Variants in DENND5B observed in about 807,000 individuals in gnomAD.
DENND5B encodes DENN domain-containing protein 5B.
DENND5B carries 34 observed loss-of-function variants against 140.6 expected under a neutral mutation model. That is an observed-to-expected ratio of 0.24 (90% confidence interval 0.18 to 0.32). The LOEUF (loss-of-function observed/expected upper bound fraction) is 0.32, where lower values mean the gene tolerates loss of function less well. Among genes scored for constraint, DENND5B ranks in the 10% least tolerant of loss-of-function variants. The pLI, the probability that DENND5B is intolerant of heterozygous loss-of-function variation, is 1.00. For missense variants in DENND5B, 1,142 were observed against 1,560.2 expected (o/e 0.73, Z 4.52); for synonymous variants, 551 against 562.1 (o/e 0.98, Z 0.28).
intron 17 of DENND5B, 71 bp downstream of exon 17, chr12:31,398,104 C>T (rs1941583452): frequency 5.7e-6 from 8 of 1,401,112 alleles, no homozygotes; most frequent in South Asian, 1.4e-5. Context: ...ATTAACACAA[C>T]TGTTTTCTAT....
chr12:31,388,708 G>A (rs1289795036), intron 20 of DENND5B, among the ~76,000 whole-genome samples: 1 of 152,160 alleles, frequency 6.6e-6, no homozygotes, highest in Non-Finnish European at 1.5e-5. Flanking sequence ...AAAAGTAATG[G>A]ATTGTATCGC....
In DENND5B at chr12:31,442,813, T is replaced by C; in HGVS notation, c.1974A>G (p.Leu658=). ...GKYEQGFFPK[L]QSDVLATGPT... ...GTCCTGTTGCCAAGACATCGGACTG[T>C]AACTTTGGAAAGAACCCCTGCTCAT... The change falls in exon 7 of 21, where the codon TTA becomes TTG. Residue 658 remains leucine, a synonymous_variant. Coordinates refer to ENST00000389082, the MANE Select transcript of DENND5B (RefSeq NM_144973.4). 3 of 1,613,840 alleles carry C rather than the reference T, an allele frequency of 1.9e-6. No individual in the cohort carries two copies. Among genetic ancestry groups the C allele is most frequent in the Non-Finnish European group, 2.5e-6 (3 of 1,179,838 alleles).
At chr12:31,527,068 C>T (rs1370695630) in intron 1 of DENND5B, among the ~76,000 whole-genome samples, 1 of 152,016 alleles carries the variant, frequency 6.6e-6, no homozygotes, top group Non-Finnish European at 1.5e-5. Context: ...AAACAATAAA[C>T]ATAATAAATA....
In DENND5B at chr12:31,391,507, CTGAGTA is replaced by C. The variant is rs1475887561; in HGVS notation, c.3466+754_3466+759del. On this transcript the variant is annotated intron_variant, in intron 19 of 20. Coordinates refer to ENST00000389082, the MANE Select transcript of DENND5B (RefSeq NM_144973.4). ...TGTATTGTTTGTTTCCCACACCGAC[CTGAGTA>C]TAAGTTTGTCAACCATAGGATTTCT... 4.6e-5 allele frequency among the ~76,000 whole-genome samples: 7 copies of C among 152,290 alleles called. No individual in the cohort carries two copies. The East Asian group carries it at 5.8e-4, about 13-fold the overall frequency.
chr12:31,497,935 G>T, intron 1 of DENND5B, among the ~76,000 whole-genome samples: 1 of 95,898 alleles, frequency 1.0e-5, no homozygotes, highest in Non-Finnish European at 2.1e-5. Context: ...AAGGGCAGGG[G>T]GAGGGGGCGG....
At chr12:31,406,857 T>C (rs916296842) in intron 14 of DENND5B, among the ~76,000 whole-genome samples, 1 of 152,152 alleles carries the variant, frequency 6.6e-6, no homozygotes, top group Non-Finnish European at 1.5e-5. Flanking sequence ...TGGAGGGCAG[T>C]GGTGTGATCT....
chr12:31,389,187 A>G, intron 20 of DENND5B, 137 bp downstream of exon 20: 1 of 800,472 alleles, frequency 1.2e-6, no homozygotes, highest in Non-Finnish European at 1.8e-6. Context: ...ATGGAGTGAG[A>G]CTCTGTTTCA....
chr12:31,557,629 A>T (rs771977741), intron 1 of DENND5B, among the ~76,000 whole-genome samples: 1 of 152,100 alleles, frequency 6.6e-6, no homozygotes, highest in Non-Finnish European at 1.5e-5. Context: ...GCAAAAAGTA[A>T]ACGTACAAAT....
At chr12:31,589,515 G>A (rs1177664931) in intron 1 of DENND5B, among the ~76,000 whole-genome samples, 1 of 152,124 alleles carries the variant, frequency 6.6e-6, no homozygotes, top group African/African-American at 2.4e-5. Context: ...TAGCCAAGAC[G>A]TGGGTTGATG....
At chr12:31,578,917 T>C (rs139159812) in intron 1 of DENND5B, among the ~76,000 whole-genome samples, 17 of 152,360 alleles carry the variant, frequency 1.1e-4, no homozygotes, top group African/African-American at 3.8e-4. Context: ...TTTCAAGTTA[T>C]TGTGAGAATT....
At chr12:31,449,491 T>G (rs770913172) in intron 5 of DENND5B, among the ~76,000 whole-genome samples, 11 of 152,188 alleles carry the variant, frequency 7.2e-5, no homozygotes, top group Non-Finnish European at 1.6e-4. Flanking sequence ...TATAAAATTT[T>G]AGGTCAACAA....
At position 31,590,770 on chromosome 12, in the gene DENND5B, G is replaced by A; in HGVS notation, c.63C>T (p.Phe21=). The A allele has an allele frequency of 1.4e-6, 2 of 1,390,716 alleles. No homozygotes were observed. The highest frequency in any genetic ancestry group is 1.9e-6 in the Non-Finnish European group (2 of 1,071,252). The allele number at this position is 1,390,716 out of a possible 1,614,324, so 86.1% of individuals were successfully genotyped here. ...TCCCGCACAGCACGAAGTAGTGCGC[G>A]AAGCGGCAGGCGGCCGGGGAGGAGC... is the stretch of plus-strand genomic sequence containing the variant. ...GSGSSPAACR[F]AHYFVLCGID... The change falls in exon 1 of 21, where the codon TTC becomes TTT. Residue 21 remains phenylalanine (F), a synonymous_variant. Transcript: ENST00000389082.
At chr12:31,395,942 C>CAAA (rs541816511) in intron 17 of DENND5B, among the ~76,000 whole-genome samples, 10,195 of 91,234 alleles carry the variant, frequency 0.11, 386 homozygotes, top group East Asian at 0.17. Flanking sequence ...ATCACTGGGC[C>CAAA]AAAAAAAAAA....
intron 2 of DENND5B, among the ~76,000 whole-genome samples, chr12:31,495,253 T>C (rs1433974335): frequency 1.3e-5 from 2 of 152,198 alleles, no homozygotes; most frequent in African/African-American, 4.8e-5. Context: ...AGTTTAATAG[T>C]AGGAAACTAA....
chr12:31,515,705 G>C (rs1470684133), intron 1 of DENND5B, among the ~76,000 whole-genome samples: 1 of 152,150 alleles, frequency 6.6e-6, no homozygotes, highest in African/African-American at 2.4e-5. Context: ...CTGTTACATA[G>C]ATATGCTTTT....
At chr12:31,434,218 G>A (rs1943640754) in intron 7 of DENND5B, among the ~76,000 whole-genome samples, 1 of 151,992 alleles carries the variant, frequency 6.6e-6, no homozygotes, top group Non-Finnish European at 1.5e-5. Flanking sequence ...TCTTTTCCAA[G>A]GCCTATAAAA....
chr12:31,429,564 A>G (rs560539164), intron 8 of DENND5B, among the ~76,000 whole-genome samples: 110 of 151,712 alleles, frequency 7.3e-4, no homozygotes, highest in African/African-American at 2.3e-3. Context: ...GCTGGCCACC[A>G]CACCTGGCTA....
chr12:31,506,840 T>C (rs569102105), intron 1 of DENND5B, among the ~76,000 whole-genome samples: 17 of 152,192 alleles, frequency 1.1e-4, no homozygotes, highest in Non-Finnish European at 1.9e-4. Context: ...AAAAAGGGCA[T>C]GTCACCTACT....
intron 11 of DENND5B, among the ~76,000 whole-genome samples, chr12:31,417,128 G>A (rs548256768): frequency 2.5e-4 from 38 of 149,762 alleles, no homozygotes; most frequent in African/African-American, 5.6e-4. Flanking sequence ...AGGCCGAGGC[G>A]GGCGGATCAT....
Sources: allele counts gnomAD v4.1 joint callset (sites outside exome capture counted in the v4.1 genomes callset), GRCh38; gene constraint gnomAD v4.1.1; transcripts MANE v1.5; gene names NCBI Gene and HGNC (gene_info 2026-07-23, HGNC 2026-07-21).